The following EPC1 variants were observed in gnomAD, a reference collection of about 807,000 sequenced individuals.
EPC1 encodes the protein enhancer of polycomb homolog 1.
In EPC1, 12 loss-of-function variants were observed where a neutral mutation model predicts 98.4. That is an observed-to-expected ratio of 0.12 (90% CI 0.08 to 0.20). EPC1 has a LOEUF of 0.20. Among genes scored for constraint, EPC1 ranks in the 10% least tolerant of loss-of-function variants. The pLI is 1.00. For synonymous variants in EPC1, 357 were observed against 363.9 expected (o/e 0.98, Z 0.21); for missense variants, 729 against 990.5 (o/e 0.74, Z 3.54).
intron 1 of EPC1, among the ~76,000 whole-genome samples, chr10:32,373,077 A>G (rs1304163473): frequency 6.6e-6 from 1 of 152,176 alleles, no homozygotes; most frequent in Non-Finnish European, 1.5e-5. Context: ...CAAATATCTC[A>G]TGTGATAGTA....
At chr10:32,369,310 C>A (rs943995333) in intron 1 of EPC1, among the ~76,000 whole-genome samples, 2 of 152,140 alleles carry the variant, frequency 1.3e-5, no homozygotes, top group East Asian at 3.8e-4. Flanking sequence ...AGGTATTTTT[C>A]AATTGATGTA....
chr10:32,332,962 G>C (rs767917784), intron 1 of EPC1, among the ~76,000 whole-genome samples: 2 of 152,196 alleles, frequency 1.3e-5, no homozygotes, highest in African/African-American at 2.4e-5. Flanking sequence ...AAGTGAGGTA[G>C]ATGTTATTGG....
intron 10 of EPC1, 130 bp downstream of exon 10, chr10:32,284,567 GA>G: frequency 1.4e-6 from 1 of 707,090 alleles, no homozygotes; most frequent in Non-Finnish European, 2.3e-6. Flanking sequence ...CTTAGACCAA[GA>G]TTTTTTTTTT....
chr10:32,346,184 G>A (rs1838785374), intron 1 of EPC1, among the ~76,000 whole-genome samples: 1 of 152,248 alleles, frequency 6.6e-6, no homozygotes, highest in African/African-American at 2.4e-5. Context: ...TAGAGCAGCA[G>A]GCGACATGAC....
intron 1 of EPC1, among the ~76,000 whole-genome samples, chr10:32,336,002 A>G (rs1225776671): frequency 6.6e-6 from 1 of 151,408 alleles, no homozygotes; most frequent in African/African-American, 2.4e-5. Context: ...CAGCTCCCGG[A>G]TGTCTTCTTT....
chr10:32,294,681 T>G (rs983057348), intron 2 of EPC1, among the ~76,000 whole-genome samples: 7 of 152,252 alleles, frequency 4.6e-5, no homozygotes, highest in Non-Finnish European at 1.0e-4. Flanking sequence ...TCAAATGTTG[T>G]TTAATTACTT....
intron 1 of EPC1, among the ~76,000 whole-genome samples, chr10:32,320,083 A>G (rs1179354846): frequency 1.3e-5 from 2 of 152,204 alleles, no homozygotes; most frequent in Non-Finnish European, 2.9e-5. Flanking sequence ...TAAAGCAAAT[A>G]GGGCAAAGTG....
chr10:32,302,359 C>T (rs1339396217), intron 2 of EPC1, among the ~76,000 whole-genome samples: 1 of 150,636 alleles, frequency 6.6e-6, no homozygotes, highest in Non-Finnish European at 1.5e-5. Flanking sequence ...AGAAAGTAAG[C>T]AAAAGAGGCC....
intron 2 of EPC1, among the ~76,000 whole-genome samples, chr10:32,295,764 G>A (rs1055238820): frequency 2.0e-5 from 3 of 152,012 alleles, no homozygotes; most frequent in Non-Finnish European, 4.4e-5. Context: ...AGTCACAATC[G>A]CCACATTTCA....
chr10:32,346,869 G>A lies in EPC1; in HGVS notation c.47C>T (p.Pro16Leu). The A allele has an allele frequency of 6.2e-7, 1 of 1,614,162 alleles. No homozygotes were observed. The highest frequency in any genetic ancestry group is 8.5e-7 in the Non-Finnish European group (1 of 1,180,022). Residue 16 changes from proline (P) to leucine (L), a missense_variant, in exon 1 of 14, where the codon CCG (proline) becomes CTG (leucine). Pro to Leu is a moderately conservative substitution (Grantham distance 98). Around this residue, in one of 6 missense-constraint regions of EPC1, gnomAD observed 46 missense variants for 119.7 expected, o/e 0.38. Coordinates refer to ENST00000319778, the MANE Select transcript of EPC1 (RefSeq NM_001272004.3). Reference sequence around the variant, plus strand: ...ATCCTCACAGCGGAAAACCGGCAGCGGCTTCGAGGCGTCTAGCGCCCGCGC... The same window carrying A: ...ATCCTCACAGCGGAAAACCGGCAGCAGCTTCGAGGCGTCTAGCGCCCGCGC... ...FRARALDASK[P>L]LPVFRCEDLP...
In EPC1 at chr10:32,354,116, A is replaced by G. The variant is rs142270449; in HGVS notation, c.3+24375T>C. Reference sequence around the variant, plus strand: ...TCTTTAAGAACTATTTTTCACATAAAATAAAATCATTCAGAATATATTTAG... The same window carrying G: ...TCTTTAAGAACTATTTTTCACATAAGATAAAATCATTCAGAATATATTTAG... On this transcript the variant is annotated intron_variant, in intron 1 of 13. Coordinates refer to the EPC1 transcript ENST00000375110. Among the ~76,000 whole-genome samples the G allele has an allele frequency of 2.0e-3, 308 of 152,362 alleles. 3 individuals carry two copies. The East Asian group carries it at 0.031, about 16-fold the overall frequency.
At chr10:32,302,142 A>G (rs1592571168) in intron 2 of EPC1, among the ~76,000 whole-genome samples, 1 of 151,834 alleles carries the variant, frequency 6.6e-6, no homozygotes, top group African/African-American at 2.4e-5. Context: ...GCCTGGTGGC[A>G]TGCGCCTGTG....
At chr10:32,378,573 C>G (rs144089033) in exon 1 of EPC1, 2 of 1,043,330 alleles carry the variant, frequency 1.9e-6, no homozygotes, top group African/African-American at 3.3e-5. Context: ...CTAGAAACAA[C>G]AGCCTCCAGG....
chr10:32,272,247 A>G (rs1472072204), intron 11 of EPC1, 80 bp from the exon 12 acceptor site: 9 of 1,175,874 alleles, frequency 7.7e-6, no homozygotes, highest in Non-Finnish European at 1.0e-5. Context: ...GCATACCAAA[A>G]TCAGTTTGAA....
At chr10:32,308,552 A>G (rs941229340) in intron 1 of EPC1, among the ~76,000 whole-genome samples, 5 of 152,152 alleles carry the variant, frequency 3.3e-5, no homozygotes, top group Non-Finnish European at 5.9e-5. Context: ...TATTTTTTCT[A>G]TAAGAAGAGA....
rs1564525150 is a variant in EPC1, at chr10:32,286,686, T to C, written c.1391+8A>G. The C allele has an allele frequency of 6.2e-7, 1 of 1,613,668 alleles. No individual in the cohort carries two copies. Among genetic ancestry groups the C allele is most frequent in the South Asian group, 1.1e-5 (1 of 91,036 alleles). ...TATCCTTCTGCTAGGAATACAGAAA[T>C]ACCTTACCTTCCACCGCGCCCAACC... On this transcript the variant is annotated splice_region_variant and intron_variant, in intron 9 of 13. Coordinates refer to ENST00000319778, the MANE Select transcript of EPC1 (RefSeq NM_001272004.3).
intron 1 of EPC1, among the ~76,000 whole-genome samples, chr10:32,359,491 T>C (rs574378328): frequency 2.5e-4 from 38 of 152,362 alleles, no homozygotes; most frequent in African/African-American, 9.1e-4. Context: ...TATTGAAAGC[T>C]GTAGTTTCCC....
intron 10 of EPC1, among the ~76,000 whole-genome samples, chr10:32,274,683 C>T (rs1299364627): frequency 1.3e-5 from 2 of 152,056 alleles, no homozygotes; most frequent in Non-Finnish European, 2.9e-5. Context: ...AGCTCCTTTT[C>T]CTACTATGTT....
chr10:32,280,257 C>T (rs561439226), intron 10 of EPC1, among the ~76,000 whole-genome samples: 12 of 152,160 alleles, frequency 7.9e-5, no homozygotes, highest in Non-Finnish European at 1.5e-4. Flanking sequence ...GAGTTCAAGA[C>T]CAGCTTGGCC....
Sources: allele counts gnomAD v4.1 joint callset (sites outside exome capture counted in the v4.1 genomes callset), GRCh38; gene constraint gnomAD v4.1.1; regional missense constraint gnomAD v4.1.1; transcripts MANE v1.5; gene names NCBI Gene and HGNC (gene_info 2026-07-23, HGNC 2026-07-21).